The following TRERF1 variants were observed in gnomAD, a reference collection of about 807,000 sequenced individuals.
TRERF1 encodes the protein transcriptional-regulating factor 1.
A neutral mutation model predicts 122.9 loss-of-function variants in TRERF1; 27 were observed. That is an observed-to-expected ratio of 0.22 (90% CI 0.16 to 0.30). The LOEUF (loss-of-function observed/expected upper bound fraction) is 0.30. TRERF1 is among the 10% of genes least tolerant of loss of function. TRERF1 has a pLI of 1.00. For missense variants in TRERF1, 1,248 were observed against 1,560.3 expected (o/e 0.80, Z 3.37); for synonymous variants, 636 against 641.7 (o/e 0.99, Z 0.13).
chr6:42,376,536 CTTTTTTTTT>C (rs781389630), intron 2 of TRERF1, among the ~76,000 whole-genome samples: 3 of 96,314 alleles, frequency 3.1e-5, no homozygotes, highest in East Asian at 3.6e-4. Flanking sequence ...TCGTCTAATT[CTTTTTTTTT>C]TTTTTTTTTT....
chr6:42,278,838 G>C (rs1267123029), intron 4 of TRERF1, among the ~76,000 whole-genome samples: 1 of 152,160 alleles, frequency 6.6e-6, no homozygotes, highest in East Asian at 1.9e-4. Flanking sequence ...TTGAAGACCT[G>C]CTTTGTGCCA....
intron 15 of TRERF1, among the ~76,000 whole-genome samples, chr6:42,241,521 G>A (rs1309624884): frequency 2.6e-5 from 4 of 152,022 alleles, no homozygotes; most frequent in African/African-American, 9.7e-5. Context: ...GAGTGCAATG[G>A]TGCAATCTCG....
Position 42,322,743 on chromosome 6 carries a change from A to G in TRERF1, c.-370-21994T>C, listed in dbSNP as rs571976167. ...GGCAGAACAGTGTTACTGTAGCCCA[A>G]TGCATCTGGAGGACTGGAGCTGTAG... is the stretch of plus-strand genomic sequence containing the variant. On this transcript the variant is annotated intron_variant, in intron 3 of 17. Transcript: ENST00000372922. 5.3e-5 allele frequency among the ~76,000 whole-genome samples: 8 copies of G among 152,342 alleles called. No individual in the cohort carries two copies. The East Asian group carries it at 1.4e-3, about 26-fold the overall frequency.
At chr6:42,298,408 G>C (rs1452362696) in intron 4 of TRERF1, among the ~76,000 whole-genome samples, 1 of 151,514 alleles carries the variant, frequency 6.6e-6, no homozygotes, top group Non-Finnish European at 1.5e-5. Flanking sequence ...CACCCACCAA[G>C]GCCTCCCAAA....
At chr6:42,432,738 G>A (rs1393823192) in intron 2 of TRERF1, among the ~76,000 whole-genome samples, 1 of 151,872 alleles carries the variant, frequency 6.6e-6, no homozygotes, top group Non-Finnish European at 1.5e-5. Flanking sequence ...AGCTACTCAG[G>A]AGGCTGAAGC....
At chr6:42,312,066 G>T (rs1202393619) in intron 3 of TRERF1, among the ~76,000 whole-genome samples, 3 of 152,168 alleles carry the variant, frequency 2.0e-5, no homozygotes, top group Non-Finnish European at 4.4e-5. Context: ...TGAGTTCCAT[G>T]ATCAACTTGA....
chr6:42,273,547 G>T (rs1400997962), intron 4 of TRERF1, among the ~76,000 whole-genome samples: 3 of 152,194 alleles, frequency 2.0e-5, no homozygotes, highest in African/African-American at 7.2e-5. Context: ...TTACAGAGGT[G>T]GAGAGGACCA....
chr6:42,418,168 G>A (rs570955538), intron 2 of TRERF1, among the ~76,000 whole-genome samples: 2 of 139,994 alleles, frequency 1.4e-5, no homozygotes, highest in African/African-American at 5.3e-5. Context: ...AGGTTGGTTC[G>A]TTGGTTCATT....
intron 2 of TRERF1, among the ~76,000 whole-genome samples, chr6:42,425,709 AATTTTTTGT>A (rs1308258929): frequency 4.1e-4 from 62 of 151,758 alleles, no homozygotes; most frequent in Admixed American, 1.7e-3. Context: ...ACGCCCAGCT[AATTTTTTGT>A]ATTTTTAGTA....
chr6:42,269,368 C>T lies in TRERF1; in HGVS notation c.223G>A (p.Gly75Ser), dbSNP rs144377879. ...CCCTGCCTCGAGGTATCCATTTGGCCAAGGTTTTTGGAGCCAACAGGCAAG... is the reference window on the plus strand; with the variant it reads ...CCCTGCCTCGAGGTATCCATTTGGCTAAGGTTTTTGGAGCCAACAGGCAAG... Residue 75 changes from glycine to serine, a missense_variant, in exon 5 of 18, where the codon GGC (glycine) becomes AGC (serine). Gly to Ser is a moderately conservative substitution (Grantham distance 56). Coordinates refer to ENST00000372922, the Ensembl canonical transcript of TRERF1. The surrounding 1 kb of genome is among the most constrained non-coding windows in gnomAD (Gnocchi z 4.9). 1 of 1,614,162 alleles carries T rather than the reference C, an allele frequency of 6.2e-7. No homozygotes were observed. Among genetic ancestry groups the T allele is most frequent in the Non-Finnish European group, 8.5e-7 (1 of 1,180,020 alleles).
intron 3 of TRERF1, among the ~76,000 whole-genome samples, chr6:42,300,963 T>C (rs1304428712): frequency 6.6e-6 from 1 of 152,040 alleles, no homozygotes; most frequent in Non-Finnish European, 1.5e-5. Context: ...AATGAGGCCA[T>C]GGAGATGAAC....
Position 42,393,171 on chromosome 6 carries a change from C to T in TRERF1, c.-453-30092G>A, listed in dbSNP as rs1778047774. 2.6e-5 allele frequency among the ~76,000 whole-genome samples: 4 copies of T among 152,222 alleles called. No individual in the cohort carries two copies. The highest frequency in any genetic ancestry group is 2.0e-4 in the Admixed American group (3 of 15,290). ...CTGTGGGCCAAGTGGTCAGTGCTAA[C>T]AACCAGCATCTTTGTAGTACTTCAG... On this transcript the variant is annotated intron_variant, in intron 2 of 17. Transcript: ENST00000372922. The surrounding 1 kb of genome is among the most constrained non-coding windows in gnomAD (Gnocchi z 4.1).
chr6:42,449,975 C>A (rs778299443), intron 2 of TRERF1, among the ~76,000 whole-genome samples: 6 of 152,232 alleles, frequency 3.9e-5, no homozygotes, highest in African/African-American at 7.2e-5. Context: ...TAAACGTCTC[C>A]GGGTTGGACC....
Position 42,393,819 on chromosome 6 carries a change from T to C in TRERF1, c.-453-30740A>G, listed in dbSNP as rs1778139270. Among the ~76,000 whole-genome samples, 1 of 151,114 alleles carries C rather than the reference T, an allele frequency of 6.6e-6. No individual in the cohort carries two copies. The highest frequency in any genetic ancestry group is 1.5e-5 in the Non-Finnish European group (1 of 67,944). On this transcript the variant is annotated intron_variant, in intron 2 of 17. Transcript: ENST00000372922. This position sits in a 1 kb window ranked among gnomAD's most constrained non-coding sequence, Gnocchi z 4.1. ...GTGTACAACTAGGAAATCCTCACAA[T>C]AGAGTTTTTAAAGCACATTACATAA...
chr6:42,421,150 T>G (rs1021321202), intron 2 of TRERF1, among the ~76,000 whole-genome samples: 3 of 152,188 alleles, frequency 2.0e-5, no homozygotes, highest in Non-Finnish European at 4.4e-5. Context: ...CCTACCTCAT[T>G]GGGTCGTTGT....
chr6:42,327,849 AG>A (rs1421279741), intron 3 of TRERF1, among the ~76,000 whole-genome samples: 1 of 152,126 alleles, frequency 6.6e-6, no homozygotes, highest in East Asian at 1.9e-4. Context: ...CAGGGCAGGC[AG>A]AAGGCATGGT....
At chr6:42,320,630 C>T (rs1763273567) in intron 3 of TRERF1, among the ~76,000 whole-genome samples, 3 of 151,814 alleles carry the variant, frequency 2.0e-5, no homozygotes. Context: ...CTACCTCAGC[C>T]TCCTGAGTAG....
chr6:42,425,521 C>T (rs1288689585), intron 2 of TRERF1, among the ~76,000 whole-genome samples: 5 of 146,234 alleles, frequency 3.4e-5, no homozygotes, highest in Admixed American at 6.9e-5. Context: ...CGACACGGCC[C>T]CCTGGGCATT....
intron 2 of TRERF1, among the ~76,000 whole-genome samples, chr6:42,379,129 T>A (rs568961428): frequency 7.2e-5 from 11 of 151,840 alleles, no homozygotes; most frequent in African/African-American, 1.4e-4. Flanking sequence ...CAAAAAAAAA[T>A]TTTTTTAATA....
Sources: allele counts gnomAD v4.1 joint callset (sites outside exome capture counted in the v4.1 genomes callset), GRCh38; gene constraint gnomAD v4.1.1; non-coding constraint Gnocchi (gnomAD v3.1); transcripts MANE v1.5; gene names NCBI Gene and HGNC (gene_info 2026-07-23, HGNC 2026-07-21).